Variants in TNRC6A observed in about 807,000 individuals in gnomAD.
The protein encoded by TNRC6A is trinucleotide repeat-containing gene 6A protein.
TNRC6A carries 44 observed loss-of-function variants against 221.2 expected under a neutral mutation model. That is an observed-to-expected ratio of 0.20 (90% confidence interval 0.16 to 0.26). The LOEUF is 0.26. Ranked by LOEUF, TNRC6A falls within the 10% of genes least tolerant of loss-of-function variation. The probability of loss-of-function intolerance (pLI) is 1.00; values close to 1 mark genes in which losing one functional copy is unlikely to be tolerated. For missense variants in TNRC6A, 2,199 were observed against 2,404.4 expected, an observed-to-expected ratio of 0.91 and a Z score of 1.79; for synonymous variants, 847 against 838.5, an observed-to-expected ratio of 1.01 and a Z score of -0.18.
chr16:24,789,962 T>C lies in TNRC6A; in HGVS notation c.1320T>C (p.Ser440=), dbSNP rs1381908821. 6.2e-7 allele frequency: 1 copy of C among 1,614,014 alleles called. No individual in the cohort carries two copies. The highest frequency in any genetic ancestry group is 1.3e-5 in the African/African-American group (1 of 74,938). Residue 440 remains serine, a synonymous_variant, in exon 6 of 25, where the codon AGT becomes AGC. Transcript: ENST00000395799. The part of the protein sequence containing the change: ...EVSGTQKVSF[S]GQPQNITTEM... ...GTGGTACACAGAAGGTTTCATTCAG[T>C]GGTCAACCTCAAAATATTACCACTG...
At chr16:24,698,578 A>G (rs2055908509) in intron 2 of TNRC6A, among the ~76,000 whole-genome samples, 1 of 152,218 alleles carries the variant, frequency 6.6e-6, no homozygotes, top group African/African-American at 2.4e-5. Flanking sequence ...ATCATTTCAC[A>G]AGTGCATAAA....
At chr16:24,648,554 G>T (rs192787062) in intron 2 of TNRC6A, among the ~76,000 whole-genome samples, 8 of 152,140 alleles carry the variant, frequency 5.3e-5, no homozygotes, top group South Asian at 2.1e-4. Flanking sequence ...ACAGGCGTGA[G>T]CCACCGCGCC....
Position 24,623,190 on chromosome 16 carries a change from T to TTTATTTACTTAC in TNRC6A, n.276+12709_276+12710insTTTACTTACTTA, listed in dbSNP as rs367608685. ...ATTTATTTATTTATTTATTTATTTATTTACTTATTTTATTTATTTTTTTTT... is the reference window on the plus strand; with the variant it reads ...ATTTATTTATTTATTTATTTATTTATTTATTTACTTACTTACTTATTTTATTTATTTTTTTTT... On this transcript the variant is annotated intron_variant and non_coding_transcript_variant, in intron 1 of 2. Coordinates refer to the TNRC6A transcript ENST00000566108. Among the ~76,000 whole-genome samples the TTTATTTACTTAC allele has an allele frequency of 2.9e-3, 424 of 147,990 alleles. 1 individual carries two copies. The highest frequency in any genetic ancestry group is 0.01 in the African/African-American group (413 of 39,864).
intron 2 of TNRC6A, among the ~76,000 whole-genome samples, chr16:24,704,461 CTGA>C (rs892697853): frequency 3.3e-5 from 5 of 151,288 alleles, no homozygotes; most frequent in African/African-American, 1.2e-4. Context: ...GGCAGATCAC[CTGA>C]TGTCAGCCTG....
At chr16:24,651,547 A>C (rs1694889531) in intron 2 of TNRC6A, among the ~76,000 whole-genome samples, 1 of 147,842 alleles carries the variant, frequency 6.8e-6, no homozygotes, top group African/African-American at 2.5e-5. Flanking sequence ...TCAAAAAAAA[A>C]AAAAAAAAAA....
At chr16:24,706,829 A>AG (rs1353313704) in intron 2 of TNRC6A, among the ~76,000 whole-genome samples, 1 of 152,060 alleles carries the variant, frequency 6.6e-6, no homozygotes, top group Non-Finnish European at 1.5e-5. Flanking sequence ...GAAATCAGAG[A>AG]GAAAAAAATA....
rs1476671523 is a variant in TNRC6A at position 24,794,715 on chromosome 16, C to T, written c.3524C>T (p.Ser1175Leu). 13 of 1,606,464 alleles carry T rather than the reference C, an allele frequency of 8.1e-6. No homozygotes were observed. In the Middle Eastern group the frequency reaches 1.3e-3, roughly 164 times the overall value. ...CCACCATATACAAAGAAAATGTCAT[C>T]GAAGGTAAACATTTCAAGGGCAAAG... ...NWPPYTKKMS[S>L]KGLSGKKRRR... The change falls in exon 8 of 25, where the codon TCG becomes TTG. Residue 1175 changes from serine (S) to leucine (L), a missense_variant. Coordinates refer to ENST00000395799, the MANE Select transcript of TNRC6A (RefSeq NM_014494.4).
chr16:24,816,653 A>G (rs117372123), intron 19 of TNRC6A, 163 bp from the exon 20 acceptor site: 9,165 of 812,460 alleles, frequency 0.011, 71 homozygotes, highest in Middle Eastern at 0.019. Flanking sequence ...AATAGCTTCT[A>G]TAATACTAAT....
At chr16:24,616,012 G>A (rs1451633182) in intron 1 of TNRC6A, among the ~76,000 whole-genome samples, 1 of 151,986 alleles carries the variant, frequency 6.6e-6, no homozygotes, top group African/African-American at 2.4e-5. Context: ...GGGCAACGGA[G>A]CAAGACCCTA....
At chr16:24,698,430 G>A (rs997807940) in intron 2 of TNRC6A, among the ~76,000 whole-genome samples, 3 of 152,110 alleles carry the variant, frequency 2.0e-5, no homozygotes, top group Non-Finnish European at 2.9e-5. Flanking sequence ...CAAGGAACAC[G>A]GCACAGTAGC....
chr16:24,744,475 G>C lies in TNRC6A; in HGVS notation c.54-6251G>C, dbSNP rs144751199. Among the ~76,000 whole-genome samples the C allele has an allele frequency of 4.6e-5, 7 of 152,216 alleles. No homozygotes were observed. In the East Asian group the frequency reaches 1.3e-3, roughly 29 times the overall value. ...TAGTTGATATTTTACTGTAAGATTT[G>C]GTACTTCTCTCCATTCACTCACTCA... On this transcript the variant is annotated intron_variant, in intron 2 of 24. Transcript: ENST00000395799.
chr16:24,617,120 CTT>C (rs796479701), intron 1 of TNRC6A, among the ~76,000 whole-genome samples: 3 of 143,592 alleles, frequency 2.1e-5, no homozygotes. Flanking sequence ...TTTTGAGCAT[CTT>C]TTTTTTTTTT....
intron 3 of TNRC6A, among the ~76,000 whole-genome samples, chr16:24,755,431 C>T (rs1166207621): frequency 2.0e-5 from 3 of 152,248 alleles, no homozygotes; most frequent in African/African-American, 7.2e-5. Flanking sequence ...ACAGCAGCAG[C>T]TGATGTCTGC....
At chr16:24,753,112 G>A (rs553459801) in intron 3 of TNRC6A, among the ~76,000 whole-genome samples, 8 of 152,284 alleles carry the variant, frequency 5.3e-5, no homozygotes, top group African/African-American at 1.9e-4. Flanking sequence ...GGTCACTTAT[G>A]TGTAGGCAGC....
chr16:24,778,835 C>T (rs1423474948), intron 5 of TNRC6A, among the ~76,000 whole-genome samples: 2 of 151,648 alleles, frequency 1.3e-5, no homozygotes, highest in Non-Finnish European at 2.9e-5. Flanking sequence ...TCTGGGGAGT[C>T]AGATTGGAAG....
At chr16:24,641,456 G>C (rs2090490783) in intron 2 of TNRC6A, among the ~76,000 whole-genome samples, 2 of 152,200 alleles carry the variant, frequency 1.3e-5, no homozygotes, top group African/African-American at 2.4e-5. Context: ...GGAAGAGCTG[G>C]TAGGAGGGGT....
At chr16:24,818,730 G>A (rs764115000) in intron 21 of TNRC6A, 30 bp downstream of exon 21, 6 of 1,569,716 alleles carry the variant, frequency 3.8e-6, no homozygotes, top group Non-Finnish European at 5.3e-6. Context: ...AGGAAGGGAG[G>A]GTTGGTCACA....
In TNRC6A at chr16:24,824,045, G is replaced by C. The variant is rs564258009; in HGVS notation, c.*238G>C. The C allele has an allele frequency of 6.3e-6, 2 of 317,016 alleles. No individual in the cohort carries two copies. The highest frequency in any genetic ancestry group is 1.0e-4 in the Admixed American group (2 of 19,910). The allele number at this position is 317,016 out of a possible 1,614,324, so 19.6% of individuals were successfully genotyped here. On this transcript the variant is annotated 3_prime_UTR_variant, in exon 25 of 25. Transcript: ENST00000395799. ...CAAATAGCGCCATACATGCTAAACCGTAGAGAATGAGCTCGCTTGTGTCTA... is the reference window on the plus strand; with the variant it reads ...CAAATAGCGCCATACATGCTAAACCCTAGAGAATGAGCTCGCTTGTGTCTA...
chr16:24,661,201 T>C (rs1313833708), intron 2 of TNRC6A, among the ~76,000 whole-genome samples: 3 of 152,094 alleles, frequency 2.0e-5, no homozygotes, highest in Non-Finnish European at 4.4e-5. Flanking sequence ...ACATTGTACC[T>C]AATGTTCAGT....
Sources: allele counts gnomAD v4.1 joint callset (sites outside exome capture counted in the v4.1 genomes callset), GRCh38; gene constraint gnomAD v4.1.1; transcripts MANE v1.5; gene names NCBI Gene and HGNC (gene_info 2026-07-23, HGNC 2026-07-21).